Variants in CLYBL observed in about 807,000 individuals in gnomAD.
The protein encoded by CLYBL is citramalyl-CoA lyase, mitochondrial.
Under a neutral mutation model 38.9 loss-of-function variants are expected in CLYBL, and 31 were observed. That is an observed-to-expected ratio of 0.80 (90% CI 0.60 to 1.08). The LOEUF is 1.08. Among genes scored for constraint, CLYBL ranks in the 50% least tolerant of loss-of-function variants. CLYBL has a pLI of 0.00. For synonymous variants in CLYBL, 171 were observed against 158.6 expected, an observed-to-expected ratio of 1.08 and a Z score of -0.59; for missense variants, 434 against 411.6, an observed-to-expected ratio of 1.05 and a Z score of -0.47.
chr13:99,891,973 T>G (rs1346515340), intron 8 of CLYBL: 2 of 152,286 alleles, frequency 1.3e-5, no homozygotes, highest in African/African-American at 4.8e-5. Context: ...GAAAATAAAC[T>G]TTCGAAACTG....
downstream of CLYBL, chr13:99,895,540 T>C (rs1202444415): frequency 2.0e-5 from 3 of 152,202 alleles, no homozygotes; most frequent in Non-Finnish European, 4.4e-5. Context: ...GCGCTGTCTT[T>C]CCCGCGGGCG....
chr13:99,699,128 G>A (rs1163727278), intron 1 of CLYBL, among the ~76,000 whole-genome samples: 2 of 152,104 alleles, frequency 1.3e-5, no homozygotes, highest in Non-Finnish European at 1.5e-5. Flanking sequence ...GCTCATGCCT[G>A]TAATCCCAGC....
intron 1 of CLYBL, among the ~76,000 whole-genome samples, chr13:99,608,385 T>A (rs2139160589): frequency 6.6e-6 from 1 of 152,296 alleles, no homozygotes; most frequent in Middle Eastern, 3.4e-3. Flanking sequence ...GGTCTGAACT[T>A]CTTACGTCTT....
chr13:99,799,294 A>G (rs2050081562), intron 2 of CLYBL, among the ~76,000 whole-genome samples: 1 of 152,102 alleles, frequency 6.6e-6, no homozygotes. Flanking sequence ...CAAACACTTC[A>G]GAAAGATGGA....
At chr13:99,664,065 G>C (rs961922168) in intron 1 of CLYBL, among the ~76,000 whole-genome samples, 3 of 152,182 alleles carry the variant, frequency 2.0e-5, no homozygotes, top group Non-Finnish European at 4.4e-5. Context: ...AAAAGTCAGT[G>C]GTTCCAGCAT....
At chr13:99,782,201 G>GT (rs1159472961) in intron 2 of CLYBL, among the ~76,000 whole-genome samples, 5 of 151,384 alleles carry the variant, frequency 3.3e-5, no homozygotes, top group Admixed American at 6.6e-5. Flanking sequence ...TTACATTTTT[G>GT]TTTTTTTTGA....
intron 7 of CLYBL, among the ~76,000 whole-genome samples, chr13:99,887,511 C>T (rs1007812993): frequency 2.6e-5 from 4 of 152,214 alleles, no homozygotes. Flanking sequence ...GTAATCCGAG[C>T]ACTCTGGGAG....
intron 1 of CLYBL, among the ~76,000 whole-genome samples, chr13:99,639,876 A>T (rs958412447): frequency 6.6e-6 from 1 of 152,222 alleles, no homozygotes; most frequent in Non-Finnish European, 1.5e-5. Context: ...TAGCCTGGGC[A>T]ACATAGCAAG....
At chr13:99,826,974 C>T (rs2050707826) in intron 2 of CLYBL, among the ~76,000 whole-genome samples, 1 of 152,246 alleles carries the variant, frequency 6.6e-6, no homozygotes, top group South Asian at 2.1e-4. Flanking sequence ...GTTGTCATCT[C>T]ATAATTCCAG....
chr13:99,665,575 T>C (rs1222497093), intron 1 of CLYBL, among the ~76,000 whole-genome samples: 1 of 151,556 alleles, frequency 6.6e-6, no homozygotes, highest in Non-Finnish European at 1.5e-5. Flanking sequence ...TCTCCACATA[T>C]GGTCCCAAAG....
chr13:99,855,533 A>G (rs1352667162), intron 2 of CLYBL, among the ~76,000 whole-genome samples: 1 of 152,126 alleles, frequency 6.6e-6, no homozygotes, highest in East Asian at 1.9e-4. Flanking sequence ...AGCGTGAAGG[A>G]TGAGGTGGTG....
intron 1 of CLYBL, among the ~76,000 whole-genome samples, chr13:99,727,941 G>C (rs2048508487): frequency 6.6e-6 from 1 of 152,164 alleles, no homozygotes; most frequent in Non-Finnish European, 1.5e-5. Context: ...AGCCAGGCAT[G>C]GCGGTGGGCT....
intron 2 of CLYBL, among the ~76,000 whole-genome samples, chr13:99,799,532 A>G (rs1427805793): frequency 1.3e-5 from 2 of 152,226 alleles, no homozygotes; most frequent in Admixed American, 1.3e-4. Flanking sequence ...CACGGGTATC[A>G]TCTTAGCAGA....
chr13:99,722,067 A>G (rs978692041), intron 1 of CLYBL, among the ~76,000 whole-genome samples: 10 of 152,214 alleles, frequency 6.6e-5, no homozygotes, highest in Non-Finnish European at 1.2e-4. Context: ...CCTGATTCAG[A>G]TGATTCATAC....
intron 7 of CLYBL, among the ~76,000 whole-genome samples, chr13:99,873,959 A>G (rs1024115400): frequency 6.6e-6 from 1 of 151,246 alleles, no homozygotes; most frequent in Non-Finnish European, 1.5e-5. Flanking sequence ...ACTTTACATT[A>G]AAACAAATAA....
intron 1 of CLYBL, among the ~76,000 whole-genome samples, chr13:99,732,102 T>C (rs1342998190): frequency 6.6e-6 from 1 of 152,078 alleles, no homozygotes; most frequent in Non-Finnish European, 1.5e-5. Flanking sequence ...TCTGGATGCA[T>C]TATGTTCTTT....
intron 1 of CLYBL, among the ~76,000 whole-genome samples, chr13:99,623,099 T>C (rs1202951498): frequency 3.3e-5 from 5 of 152,232 alleles, no homozygotes; most frequent in Admixed American, 3.3e-4. Context: ...CAGGTATTTG[T>C]TTTCAGTTCC....
At chr13:99,823,816 A>AT (rs1186508187) in intron 2 of CLYBL, among the ~76,000 whole-genome samples, 2 of 152,084 alleles carry the variant, frequency 1.3e-5, no homozygotes, top group East Asian at 3.9e-4. Flanking sequence ...TATATGTTCT[A>AT]TTTTTCCCCA....
At chr13:99,719,138 C>T (rs2048359116) in intron 1 of CLYBL, among the ~76,000 whole-genome samples, 1 of 150,416 alleles carries the variant, frequency 6.6e-6, no homozygotes, top group South Asian at 2.1e-4. Context: ...AGGCATGAAC[C>T]ACCACACAAG....
Sources: gnomAD v4.1 joint callset for allele counts (sites outside exome capture counted in the v4.1 genomes callset) on GRCh38, gnomAD v4.1.1 for gene constraint, MANE v1.5 for transcripts, NCBI Gene and HGNC (gene_info 2026-07-23, HGNC 2026-07-21) for gene names.